Variants in ZNF687 observed in about 807,000 individuals in gnomAD.
ZNF687 encodes the protein zinc finger protein 687.
In ZNF687, 13 loss-of-function variants were observed where a neutral mutation model predicts 71.8. That is an observed-to-expected ratio of 0.18 (90% confidence interval 0.12 to 0.29). The LOEUF (loss-of-function observed/expected upper bound fraction) is 0.29, where lower values mean the gene tolerates loss of function less well. Among genes scored for constraint, ZNF687 ranks in the 10% least tolerant of loss-of-function variants. The pLI is 1.00. For synonymous variants in ZNF687, 673 were observed against 641.6 expected, an observed-to-expected ratio of 1.05 and a Z score of -0.74; for missense variants, 1,412 against 1,625.6, an observed-to-expected ratio of 0.87 and a Z score of 2.26.
chr1:151,289,741 A>T lies in ZNF687; in HGVS notation c.2698A>T (p.Thr900Ser). ...GAAAGGGGCCGGGGGTGCCCTGCTG[A>T]CCCCCAAGACTGAGCCTGAGGAGCT... is the stretch of plus-strand genomic sequence containing the variant. ...AGKGAGGALL[T>S]PKTEPEELAV... Residue 900 changes from threonine to serine, a missense_variant, in exon 6 of 9, where the codon ACC becomes TCC. Transcript: ENST00000336715. 6.4e-7 allele frequency: 1 copy of T among 1,558,668 alleles called. No individual in the cohort carries two copies. The highest frequency in any genetic ancestry group is 8.7e-7 in the Non-Finnish European group (1 of 1,150,784).
At chr1:151,286,117 C>G in intron 1 of ZNF687, 158 bp from the exon 2 acceptor site, 1 of 530,228 alleles carries the variant, frequency 1.9e-6, no homozygotes, top group South Asian at 4.0e-5. Context: ...TTTGGCAAAC[C>G]TAGCAGCTCT....
chr1:151,283,050 C>A, intron 1 of ZNF687: 1 of 951,406 alleles, frequency 1.1e-6, no homozygotes, highest in Non-Finnish European at 1.3e-6. Flanking sequence ...AGGTGCTGCG[C>A]AGCAGCTCCC....
At position 151,286,834 on chromosome 1, in the gene ZNF687, A is replaced by C. The variant is rs1442373755; in HGVS notation, c.543A>C (p.Ala181=). The C allele has an allele frequency of 6.2e-7, 1 of 1,613,812 alleles. No individual in the cohort carries two copies. Among genetic ancestry groups the C allele is most frequent in the Admixed American group, 1.7e-5 (1 of 60,006 alleles). The part of the protein sequence containing the change: ...GDHSDPLPPS[A]PSPTREGALT... The stretch of plus-strand genomic sequence containing the variant: ...ACTCAGATCCGCTGCCTCCCTCTGC[A>C]CCCTCTCCCACTCGGGAGGGGGCTC... The change falls in exon 2 of 9, where the codon GCA becomes GCC. Residue 181 remains alanine, a synonymous_variant. Coordinates refer to ENST00000336715, the MANE Select transcript of ZNF687 (RefSeq NM_020832.3).
At chr1:151,283,873 GGA>G (rs1693837762) in intron 1 of ZNF687, 1 of 985,278 alleles carries the variant, frequency 1.0e-6, no homozygotes, top group Non-Finnish European at 1.2e-6. Flanking sequence ...TCTGAAGACT[GGA>G]GAGAGGTGGG....
rs907781060 is a variant in ZNF687 at position 151,289,877 on chromosome 1, G to A, written c.2834G>A (p.Arg945Gln). The change falls in exon 6 of 9, where the codon CGG becomes CAG. Residue 945 changes from arginine to glutamine, a missense_variant. Arg to Gln is a conservative substitution (Grantham distance 43). Coordinates refer to ENST00000336715, the MANE Select transcript of ZNF687 (RefSeq NM_020832.3). The part of the protein sequence containing the change: ...PEPPRPAKRP[R>Q]RELGSKGLKG... ...CCCCCCCGTCCAGCCAAACGGCCTC[G>A]GCGGGAACTAGGGAGCAAAGGCCTC... The A allele has an allele frequency of 1.7e-5, 26 of 1,563,396 alleles. No homozygotes were observed. The highest frequency in any genetic ancestry group is 3.8e-5 in the Admixed American group (2 of 52,210).
chr1:151,286,837 C>T lies in ZNF687; in HGVS notation c.546C>T (p.Pro182=). ...DHSDPLPPSA[P]SPTREGALTP... is the part of the protein sequence containing the mutation. ...CAGATCCGCTGCCTCCCTCTGCACC[C>T]TCTCCCACTCGGGAGGGGGCTCTGA... is the stretch of plus-strand genomic sequence containing the variant. Residue 182 remains proline (P), a synonymous_variant, in exon 2 of 9, where the codon CCC becomes CCT. Transcript: ENST00000336715. 6.2e-7 allele frequency: 1 copy of T among 1,614,098 alleles called. No homozygotes were observed. The highest frequency in any genetic ancestry group is 8.5e-7 in the Non-Finnish European group (1 of 1,179,962).
In ZNF687 at chr1:151,291,845, A is replaced by C. The variant is rs1266197371; in HGVS notation, c.*636A>C. The stretch of plus-strand genomic sequence containing the variant: ...TTCTTGTAGTAATAATAATACTAAC[A>C]AACAGTTGGGGAACTAGGGAGAAAA... On this transcript the variant is annotated 3_prime_UTR_variant, in exon 9 of 9. Coordinates refer to ENST00000336715, the MANE Select transcript of ZNF687 (RefSeq NM_020832.3). 1 of 152,518 alleles carries C rather than the reference A, an allele frequency of 6.6e-6. No homozygotes were observed. The highest frequency in any genetic ancestry group is 2.4e-5 in the African/African-American group (1 of 41,424). 9.4% of individuals were successfully genotyped at this position (152,518 alleles called of 1,614,324 possible). A position where few individuals can be genotyped will look rare whatever the true frequency, so the allele number is the denominator to read the frequency against.
In ZNF687 at chr1:151,291,322, T is replaced by C; in HGVS notation, c.*113T>C. On this transcript the variant is annotated 3_prime_UTR_variant, in exon 9 of 9. Coordinates refer to ENST00000336715, the MANE Select transcript of ZNF687 (RefSeq NM_020832.3). ...TTAACATTAATATTTTGTTAATTCC[T>C]GTCTCTCCAACCTGAAGAAGAAGAG... 7.6e-7 allele frequency: 1 copy of C among 1,309,380 alleles called. No individual in the cohort carries two copies. The highest frequency in any genetic ancestry group is 1.0e-6 in the Non-Finnish European group (1 of 975,110). 81.1% of individuals were successfully genotyped at this position (1,309,380 alleles called of 1,614,324 possible).
upstream of ZNF687, chr1:151,282,244 A>G: frequency 9.8e-7 from 1 of 1,018,372 alleles, no homozygotes; most frequent in Middle Eastern, 3.9e-4. Flanking sequence ...CGGGCAGCCC[A>G]GACCTGGAGC....
Position 151,289,701 on chromosome 1 carries a change from G to A in ZNF687, c.2658G>A (p.Leu886=), listed in dbSNP as rs1694117660. The A allele has an allele frequency of 1.3e-6, 2 of 1,565,134 alleles. No individual in the cohort carries two copies. The highest frequency in any genetic ancestry group is 1.4e-5 in the African/African-American group (1 of 73,590). The change falls in exon 6 of 9, where the codon TTG becomes TTA. Residue 886 remains leucine, a synonymous_variant. Transcript: ENST00000336715. ...HLKNTHQSGR[L]EETAGKGAGG... ...AGAACACCCATCAGTCTGGGCGCTTGGAGGAGACTGCTGGGAAAGGGGCCG... is the reference window on the plus strand; with the variant it reads ...AGAACACCCATCAGTCTGGGCGCTTAGAGGAGACTGCTGGGAAAGGGGCCG...
At chr1:151,281,633 A>C (rs747172005), upstream of ZNF687, 2 of 470,908 alleles carry the variant, frequency 4.2e-6, no homozygotes, top group Admixed American at 2.3e-5. Flanking sequence ...GCTGTCGCCC[A>C]GGAGCTGAAC....
At position 151,290,883 on chromosome 1, in the gene ZNF687, G is replaced by A. The variant is rs769771982; in HGVS notation, c.3388G>A (p.Val1130Met). The A allele has an allele frequency of 9.9e-6, 16 of 1,613,974 alleles. No individual in the cohort carries two copies. The highest frequency in any genetic ancestry group is 1.1e-5 in the Non-Finnish European group (13 of 1,180,024). Residue 1130 changes from valine to methionine, a missense_variant, in exon 9 of 9, where the codon GTG becomes ATG. Transcript: ENST00000336715. The stretch of plus-strand genomic sequence containing the variant: ...ACAGAGCCTCATGATGGGGTTGAGG[G>A]TGGAGGATGGTGCCCAGCAGTGCCT... ...TEQSLMMGLR[V>M]EDGAQQCLDC...
upstream of ZNF687, chr1:151,281,870 G>A: frequency 2.3e-6 from 1 of 443,328 alleles, no homozygotes; most frequent in South Asian, 2.0e-5. Flanking sequence ...CACAGAAGCT[G>A]GGTTCCTTAC....
chr1:151,291,693 C>T lies in ZNF687; in HGVS notation c.*484C>T, dbSNP rs948618766. On this transcript the variant is annotated 3_prime_UTR_variant, in exon 9 of 9. Coordinates refer to ENST00000336715, the MANE Select transcript of ZNF687 (RefSeq NM_020832.3). ...AACTCACTGGCACTCAAGCCCCCTA[C>T]CCCTGCAGTGCCTTTCACTTCTTTT... 1 of 152,574 alleles carries T rather than the reference C, an allele frequency of 6.6e-6. No homozygotes were observed. Among genetic ancestry groups the T allele is most frequent in the Non-Finnish European group, 1.5e-5 (1 of 68,802 alleles). 9.5% of individuals were successfully genotyped at this position (152,574 alleles called of 1,614,324 possible).
At position 151,289,489 on chromosome 1, in the gene ZNF687, G is replaced by T. The variant is rs773830537; in HGVS notation, c.2583G>T (p.Pro861=). 6.2e-7 allele frequency: 1 copy of T among 1,614,122 alleles called. No individual in the cohort carries two copies. The highest frequency in any genetic ancestry group is 8.5e-7 in the Non-Finnish European group (1 of 1,180,050). ...AGCGTGTCAGTGTCTTTAAGTGCCC[G>T]TCTTGTCCTCTGCTCTTTGCCCAAA... ...LPQRVSVFKC[P]SCPLLFAQKR... The change falls in exon 5 of 9, where the codon CCG becomes CCT. Residue 861 remains proline, a synonymous_variant. Coordinates refer to ENST00000336715, the MANE Select transcript of ZNF687 (RefSeq NM_020832.3).
Position 151,287,774 on chromosome 1 carries a change from T to G in ZNF687, c.1483T>G (p.Ser495Ala). ...CGGCACAGTGATATCACGGACCCAG[T>G]CCAGCCTGGTGGAGGCCTTCAACAA... ...GGGTVISRTQ[S>A]SLVEAFNKIL... Residue 495 changes from serine (S) to alanine (A), a missense_variant, in exon 2 of 9, where the codon TCC (serine) becomes GCC (alanine). Transcript: ENST00000336715. The surrounding 1 kb of genome is among the most constrained non-coding windows in gnomAD (Gnocchi z 5.0). 6.2e-7 allele frequency: 1 copy of G among 1,613,998 alleles called. No homozygotes were observed. Among genetic ancestry groups the G allele is most frequent in the Non-Finnish European group, 8.5e-7 (1 of 1,180,006 alleles).
intron 3 of ZNF687, 27 bp from the exon 4 acceptor site, chr1:151,289,068 C>T: frequency 6.2e-7 from 1 of 1,610,350 alleles, no homozygotes; most frequent in East Asian, 2.2e-5. Context: ...TCCCACCTCA[C>T]CACAGGGCCT....
Position 151,291,044 on chromosome 1 carries a change from G to A in ZNF687, c.3549G>A (p.Arg1183=), listed in dbSNP as rs1557776078. ...GGGAGGAAGAGGCCCCTCCATCAAG[G>A]TCTGACCCCGATGGTGGAGACTCAC... ...GDGEEEAPPS[R]SDPDGGDSPL... The change falls in exon 9 of 9, where the codon AGG becomes AGA. Residue 1183 remains arginine, a synonymous_variant. Coordinates refer to ENST00000336715, the MANE Select transcript of ZNF687 (RefSeq NM_020832.3). 3 of 1,613,860 alleles carry A rather than the reference G, an allele frequency of 1.9e-6. No individual in the cohort carries two copies. The highest frequency in any genetic ancestry group is 3.3e-4 in the Middle Eastern group (2 of 6,062).
In ZNF687 at chr1:151,288,101, C is replaced by A; in HGVS notation, c.1810C>A (p.Leu604Ile). 2 of 1,613,958 alleles carry A rather than the reference C, an allele frequency of 1.2e-6. No individual in the cohort carries two copies. The highest frequency in any genetic ancestry group is 1.7e-6 in the Non-Finnish European group (2 of 1,180,026). Residue 604 changes from leucine (L) to isoleucine (I), a missense_variant, in exon 2 of 9, where the codon CTT (leucine) becomes ATT (isoleucine). By Grantham distance (5) the Leu-to-Ile change is conservative. Around this residue, in one of 8 missense-constraint regions of ZNF687, gnomAD observed 207 missense variants for 239.2 expected, o/e 0.87. Transcript: ENST00000336715. ...ACATTTGGTCATGAGGCCTGTAGCC[C>A]TTGACCAGATGGTGGGGCAGCCGGA... ...CSHLVMRPVA[L>I]DQMVGQPDIT...
Sources: allele counts gnomAD v4.1 joint callset, GRCh38; gene constraint gnomAD v4.1.1; regional missense constraint gnomAD v4.1.1; non-coding constraint Gnocchi (gnomAD v3.1); transcripts MANE v1.5; gene names NCBI Gene and HGNC (gene_info 2026-07-23, HGNC 2026-07-21).